Variants in NBAS observed in about 807,000 individuals in gnomAD.
NBAS encodes NBAS subunit of NRZ tethering complex, also known as NAG/BC035112 fusion.
NBAS carries 219 observed loss-of-function variants against 302.5 expected under a neutral mutation model. That is an observed-to-expected ratio of 0.72 (90% confidence interval 0.65 to 0.81). NBAS has a LOEUF of 0.81. Among genes scored for constraint, NBAS ranks in the 30% least tolerant of loss-of-function variants. NBAS has a pLI of 0.00. For synonymous variants in NBAS, 1,118 were observed against 1,021.6 expected (o/e 1.09, Z -1.80); for missense variants, 2,932 against 2,841.6 (o/e 1.03, Z -0.72).
chr2:15,205,702 G>C (rs1193560593), intron 48 of NBAS, among the ~76,000 whole-genome samples: 1 of 152,126 alleles, frequency 6.6e-6, no homozygotes, highest in African/African-American at 2.4e-5. Flanking sequence ...TGAGTCATGG[G>C]GGTGGACTTC....
chr2:14,826,903 G>T, the NBAS span, among the ~76,000 whole-genome samples: 2 of 152,158 alleles, frequency 1.3e-5, no homozygotes, highest in Admixed American at 6.6e-5. Flanking sequence ...TAGAGAACAT[G>T]TTCCAACTCT....
At chr2:14,803,434 C>T in the NBAS span, among the ~76,000 whole-genome samples, 1,840 of 152,214 alleles carry the variant, frequency 0.012, 33 homozygotes, top group African/African-American at 0.043. Flanking sequence ...ACTACCTTGG[C>T]CTTCCTAGAC....
At chr2:15,220,033 G>C in intron 47 of NBAS, among the ~76,000 whole-genome samples, 1 of 148,502 alleles carries the variant, frequency 6.7e-6, no homozygotes, top group East Asian at 2.0e-4. Flanking sequence ...GCGGGGGGCT[G>C]ATCCCCCCAC....
intron 24 of NBAS, among the ~76,000 whole-genome samples, chr2:15,417,005 A>T (rs901371063): frequency 6.6e-6 from 1 of 152,110 alleles, no homozygotes; most frequent in African/African-American, 2.4e-5. Context: ...CCTCCACAGC[A>T]CCATCCTTCT....
chr2:14,903,039 T>C, the NBAS span, among the ~76,000 whole-genome samples: 3 of 151,852 alleles, frequency 2.0e-5, no homozygotes, highest in South Asian at 2.1e-4. Flanking sequence ...GAAAGGCAAT[T>C]TGTGGCAAGA....
At chr2:15,163,039 C>A (rs1441632582), downstream of NBAS, among the ~76,000 whole-genome samples, 1 of 152,174 alleles carries the variant, frequency 6.6e-6, no homozygotes, top group African/African-American at 2.4e-5. Context: ...GTGCCACGGG[C>A]CTGCCGCTAT....
At chr2:15,351,097 T>C (rs772119801) in intron 35 of NBAS, among the ~76,000 whole-genome samples, 1 of 152,162 alleles carries the variant, frequency 6.6e-6, no homozygotes, top group Non-Finnish European at 1.5e-5. Flanking sequence ...TCAATCAGTG[T>C]TCATATGAAT....
chr2:15,160,549 C>A, the NBAS span, among the ~76,000 whole-genome samples: 1 of 139,254 alleles, frequency 7.2e-6, no homozygotes, highest in East Asian at 2.1e-4. Context: ...GAATGCAGGA[C>A]CTGCCAGGAA....
chr2:15,116,155 T>C, the NBAS span, among the ~76,000 whole-genome samples: 1 of 152,192 alleles, frequency 6.6e-6, no homozygotes, highest in African/African-American at 2.4e-5. Context: ...TCTGGGTTTT[T>C]TGGAGTCTGC....
chr2:15,050,164 G>A, the NBAS span, among the ~76,000 whole-genome samples: 11 of 152,184 alleles, frequency 7.2e-5, no homozygotes, highest in Middle Eastern at 3.4e-3. Flanking sequence ...GCTCAGCAAC[G>A]TCATCCTGAA....
chr2:15,129,892 C>T, the NBAS span, among the ~76,000 whole-genome samples: 1 of 152,216 alleles, frequency 6.6e-6, no homozygotes, highest in African/African-American at 2.4e-5. Context: ...GCACCTCATA[C>T]AGTAAGCGCT....
intron 9 of NBAS, among the ~76,000 whole-genome samples, chr2:15,528,914 T>C (rs752916049): frequency 6.1e-5 from 9 of 147,658 alleles, no homozygotes; most frequent in East Asian, 2.0e-4. Context: ...TATATATATA[T>C]ACACACACAC....
At chr2:15,380,870 G>T (rs566610602) in intron 29 of NBAS, among the ~76,000 whole-genome samples, 2 of 152,214 alleles carry the variant, frequency 1.3e-5, no homozygotes, top group Non-Finnish European at 2.9e-5. Context: ...ATCTTCATAG[G>T]ATGCTCTTAT....
chr2:15,389,885 C>T (rs1346158683), intron 28 of NBAS, among the ~76,000 whole-genome samples: 1 of 152,118 alleles, frequency 6.6e-6, no homozygotes, highest in African/African-American at 2.4e-5. Context: ...GAGAAAGATT[C>T]CAGGCCACAG....
chr2:15,049,286 G>T, the NBAS span, among the ~76,000 whole-genome samples: 16 of 152,340 alleles, frequency 1.1e-4, no homozygotes, highest in East Asian at 2.3e-3. Flanking sequence ...TTGGCCACCT[G>T]CAAGGCCACC....
intron 25 of NBAS, among the ~76,000 whole-genome samples, chr2:15,410,980 G>T (rs766872379): frequency 6.6e-6 from 1 of 152,150 alleles, no homozygotes; most frequent in Non-Finnish European, 1.5e-5. Context: ...CCTTGAACAC[G>T]TTCTCCCTCT....
At chr2:15,488,799 C>A in intron 12 of NBAS, 95 bp downstream of exon 12, 1 of 1,470,026 alleles carries the variant, frequency 6.8e-7, no homozygotes, top group Non-Finnish European at 9.4e-7. Context: ...TGAGAATAAA[C>A]AGCTGTGTAC....
At chr2:15,067,688 G>T in the NBAS span, among the ~76,000 whole-genome samples, 2,045 of 152,140 alleles carry the variant, frequency 0.013, 40 homozygotes, top group African/African-American at 0.046. Context: ...AGGGGGAAAC[G>T]TGAAGTTGCT....
chr2:14,895,586 A>C, the NBAS span, among the ~76,000 whole-genome samples: 1 of 152,082 alleles, frequency 6.6e-6, no homozygotes, highest in East Asian at 1.9e-4. Context: ...AAAATACAAA[A>C]AAATTAGCCG....
Sources: allele counts gnomAD v4.1 joint callset (sites outside exome capture counted in the v4.1 genomes callset), GRCh38; gene constraint gnomAD v4.1.1; transcripts MANE v1.5; gene names NCBI Gene and HGNC (gene_info 2026-07-23, HGNC 2026-07-21).